The following URB1 variants were observed in gnomAD, a reference collection of about 807,000 sequenced individuals.
The protein encoded by URB1 is URB1 ribosome biogenesis factor, also known as nucleolar pre-ribosomal-associated protein 1.
In URB1, 197 loss-of-function variants were observed where a neutral mutation model predicts 242.3. The observed-to-expected ratio is 0.81, with a 90% confidence interval of 0.72 to 0.91. The LOEUF is 0.91. Among genes scored for constraint, URB1 ranks in the 40% least tolerant of loss-of-function variants. The probability of loss-of-function intolerance (pLI) is 0.00; values close to 1 mark genes in which losing one functional copy is unlikely to be tolerated. For missense variants in URB1, 2,721 were observed against 2,860.5 expected, an observed-to-expected ratio of 0.95 and a Z score of 1.11; for synonymous variants, 1,153 against 1,201.8, an observed-to-expected ratio of 0.96 and a Z score of 0.84.
intron 6 of URB1, 41 bp from the exon 7 acceptor site, chr21:32,373,813 GA>G (rs1358705677): frequency 1.4e-6 from 2 of 1,451,462 alleles, no homozygotes; most frequent in East Asian, 2.6e-5. Context: ...AACAAATTAT[GA>G]AAAAGTTCAT....
At chr21:32,369,045 A>C (rs559663755) in intron 8 of URB1, among the ~76,000 whole-genome samples, 46 of 151,526 alleles carry the variant, frequency 3.0e-4, no homozygotes, top group African/African-American at 8.8e-4. Flanking sequence ...GCCACACACA[A>C]AAAAAGCACT....
rs540524095 is a variant in URB1 at position 32,378,982 on chromosome 21, C to T, written c.568-441G>A. ...ATGGCTGGTACTGCTTTTGGTGAGA[C>T]ACCAATGTGGTGATGTCTGGTTTTT... On this transcript the variant is annotated intron_variant, in intron 4 of 38. Coordinates refer to ENST00000382751, the MANE Select transcript of URB1 (RefSeq NM_014825.3). Among the ~76,000 whole-genome samples the T allele has an allele frequency of 3.9e-5, 6 of 152,328 alleles. No individual in the cohort carries two copies. In the South Asian group the frequency reaches 6.2e-4, roughly 16 times the overall value.
rs568921960 is a variant in URB1 at position 32,313,967 on chromosome 21, C to T, written c.*951G>A. 4 of 153,504 alleles carry T rather than the reference C, an allele frequency of 2.6e-5. No homozygotes were observed. Among genetic ancestry groups the T allele is most frequent in the Admixed American group, 2.6e-4 (4 of 15,466 alleles). The allele number at this position is 153,504 out of a possible 1,614,324, so 9.5% of individuals were successfully genotyped here. ...AACACAAAAACCTTACAAAAATAGA[C>T]ATTAACAAGCATTTATAAAATTCAA... On this transcript the variant is annotated 3_prime_UTR_variant, in exon 39 of 39. Transcript: ENST00000382751.
chr21:32,326,837 C>T (rs1328565272), intron 30 of URB1, among the ~76,000 whole-genome samples: 1 of 152,116 alleles, frequency 6.6e-6, no homozygotes, highest in Non-Finnish European at 1.5e-5. Flanking sequence ...TATCCAGTCT[C>T]GGGTTCTTTA....
intron 18 of URB1, 68 bp from the exon 19 acceptor site, chr21:32,352,974 C>A (rs2033175623): frequency 6.9e-7 from 1 of 1,441,436 alleles, no homozygotes; most frequent in East Asian, 2.5e-5. Context: ...CTACCAACAC[C>A]ACCTTCTTCC....
intron 38 of URB1, among the ~76,000 whole-genome samples, 191 bp from the exon 39 acceptor site, chr21:32,315,290 T>C (rs1025012563): frequency 8.7e-5 from 13 of 149,426 alleles, no homozygotes; most frequent in African/African-American, 2.9e-4. Flanking sequence ...TAATCTTTTT[T>C]ATTATTAAAA....
At position 32,391,136 on chromosome 21, in the gene URB1, A is replaced by G. The variant is rs13048768; in HGVS notation, c.142+1633T>C. On this transcript the variant is annotated intron_variant, in intron 1 of 38. Coordinates refer to ENST00000382751, the MANE Select transcript of URB1 (RefSeq NM_014825.3). The stretch of plus-strand genomic sequence containing the variant: ...GCAAGGACAAAAAACCAAACACCGC[A>G]TGTTCTCACTCATAGGTGGGAACTG... Among the ~76,000 whole-genome samples the G allele has an allele frequency of 1.6e-3, 239 of 147,368 alleles. 1 individual carries two copies. Among genetic ancestry groups the G allele is most frequent in the Admixed American group, 3.7e-3 (54 of 14,510 alleles).
intron 18 of URB1, 88 bp from the exon 19 acceptor site, chr21:32,352,994 C>T: frequency 2.2e-6 from 3 of 1,382,196 alleles, no homozygotes; most frequent in Non-Finnish European, 2.9e-6. Flanking sequence ...CACATACAGG[C>T]AAGACCCTGA....
intron 1 of URB1, among the ~76,000 whole-genome samples, chr21:32,388,392 G>A (rs937270322): frequency 2.0e-5 from 3 of 152,240 alleles, no homozygotes; most frequent in Non-Finnish European, 2.9e-5. Flanking sequence ...CAGCAGCAGT[G>A]AAAATCCAGT....
At chr21:32,375,039 CA>C (rs756843265) in intron 6 of URB1, among the ~76,000 whole-genome samples, 3 of 152,162 alleles carry the variant, frequency 2.0e-5, no homozygotes, top group Non-Finnish European at 2.9e-5. Context: ...GAATATGGAA[CA>C]TGACACAGAA....
chr21:32,337,016 A>G, intron 28 of URB1, 78 bp downstream of exon 28: 1 of 1,400,168 alleles, frequency 7.1e-7, no homozygotes, highest in Non-Finnish European at 9.9e-7. Flanking sequence ...AATGAGAGAA[A>G]ATCTCGAGTC....
chr21:32,350,640 A>T, intron 20 of URB1, 64 bp downstream of exon 20: 1 of 1,520,534 alleles, frequency 6.6e-7, no homozygotes, highest in Non-Finnish European at 8.9e-7. Context: ...GGCCCGACTC[A>T]GAGAAGGCTT....
In URB1 at chr21:32,338,218, C is replaced by T. The variant is rs79635303; in HGVS notation, c.4510+489G>A. ...TTCTCTGACATCCGACCTGTGAGCACTAAAGTGAATCCTTACTGAATTAGG... is the reference window on the plus strand; with the variant it reads ...TTCTCTGACATCCGACCTGTGAGCATTAAAGTGAATCCTTACTGAATTAGG... On this transcript the variant is annotated intron_variant, in intron 26 of 38. Coordinates refer to ENST00000382751, the MANE Select transcript of URB1 (RefSeq NM_014825.3). Among the ~76,000 whole-genome samples the T allele has an allele frequency of 6.0e-3, 915 of 152,274 alleles. 9 individuals are homozygous for T. The highest frequency in any genetic ancestry group is 0.021 in the African/African-American group (888 of 41,548).
chr21:32,353,915 C>T lies in URB1; in HGVS notation c.2416+18G>A, dbSNP rs987307098. 7.8e-5 allele frequency: 121 copies of T among 1,550,742 alleles called. No homozygotes were observed. The East Asian group carries it at 2.9e-3, about 38-fold the overall frequency. ...GCCGGCCAGGTGCAGCCAAGACATC[C>T]TGACTATACATAGGTACCTGCTTCA... is the stretch of plus-strand genomic sequence containing the variant. On this transcript the variant is annotated intron_variant, in intron 18 of 38. Transcript: ENST00000382751.
Position 32,312,273 on chromosome 21 carries a change from T to A in URB1, c.*2645A>T. The A allele has an allele frequency of 4.3e-6, 6 of 1,381,782 alleles. No individual in the cohort carries two copies. Among genetic ancestry groups the A allele is most frequent in the Non-Finnish European group, 5.6e-6 (6 of 1,066,172 alleles). The allele number at this position is 1,381,782 out of a possible 1,614,324, so 85.6% of individuals were successfully genotyped here. On this transcript the variant is annotated 3_prime_UTR_variant, in exon 39 of 39. Transcript: ENST00000382751. ...GGGAAGAGTAGGAAAATAAAATATATGCAAATCAAGAGGAAAAGCTGTTTG... is the reference window on the plus strand; with the variant it reads ...GGGAAGAGTAGGAAAATAAAATATAAGCAAATCAAGAGGAAAAGCTGTTTG...
chr21:32,332,959 G>A (rs760994345), intron 30 of URB1, among the ~76,000 whole-genome samples: 1 of 152,280 alleles, frequency 6.6e-6, no homozygotes, highest in South Asian at 2.1e-4. Context: ...GGCAACCTCA[G>A]CAGGCTGACC....
At chr21:32,385,423 G>C in intron 2 of URB1, 122 bp downstream of exon 2, 1 of 1,385,984 alleles carries the variant, frequency 7.2e-7, no homozygotes, top group South Asian at 1.5e-5. Context: ...ACAGCACAGG[G>C]ACAAAGCATC....
intron 24 of URB1, among the ~76,000 whole-genome samples, chr21:32,342,554 C>A (rs978226351): frequency 1.3e-5 from 2 of 152,046 alleles, no homozygotes; most frequent in Non-Finnish European, 2.9e-5. Context: ...TAGGCGCAAT[C>A]CCACTACTGA....
chr21:32,364,122 G>A (rs1348478444), intron 10 of URB1, among the ~76,000 whole-genome samples: 3 of 152,068 alleles, frequency 2.0e-5, no homozygotes, highest in Non-Finnish European at 4.4e-5. Context: ...CCACATCACA[G>A]GCCTGTGACA....
Sources: gnomAD v4.1 joint callset for allele counts (sites outside exome capture counted in the v4.1 genomes callset) on GRCh38, gnomAD v4.1.1 for gene constraint, MANE v1.5 for transcripts, NCBI Gene and HGNC (gene_info 2026-07-23, HGNC 2026-07-21) for gene names.